Variants in MAN1C1 observed in about 807,000 individuals in gnomAD.
MAN1C1 encodes mannosidase alpha class 1C member 1.
In MAN1C1, 49 loss-of-function variants were observed where a neutral mutation model predicts 71.5. The ratio of observed to expected loss-of-function variants is 0.69; its 90% confidence interval spans 0.54 to 0.87. The LOEUF (loss-of-function observed/expected upper bound fraction) is 0.87, where lower values mean the gene tolerates loss of function less well. Among genes scored for constraint, MAN1C1 ranks in the 40% least tolerant of loss-of-function variants. The pLI is 0.00. For missense variants in MAN1C1, 743 were observed against 835.0 expected (o/e 0.89, Z 1.36); for synonymous variants, 352 against 343.7 (o/e 1.02, Z -0.27).
In MAN1C1 at chr1:25,783,867, A is replaced by G. The variant is rs1172923895; in HGVS notation, c.*78A>G. 3 of 1,533,388 alleles carry G rather than the reference A, an allele frequency of 2.0e-6. No individual in the cohort carries two copies. Among genetic ancestry groups the G allele is most frequent in the South Asian group, 1.2e-5 (1 of 86,140 alleles). 95.0% of individuals were successfully genotyped at this position (1,533,388 alleles called of 1,614,324 possible). A position where few individuals can be genotyped will look rare whatever the true frequency, so the allele number is the denominator to read the frequency against. The stretch of plus-strand genomic sequence containing the variant: ...AGGATTTGAGACTGTTCTCAAAGGG[A>G]TTGGGAACGAAGGCCCCATCTCGGG... On this transcript the variant is annotated 3_prime_UTR_variant, in exon 12 of 12. Transcript: ENST00000374332.
Position 25,660,653 on chromosome 1 carries a change from A to G in MAN1C1, c.541-25787A>G, listed in dbSNP as rs577203392. Reference sequence around the variant, plus strand: ...CGTGATCCGCCCGCCTCGGCCTCCCAAAAGTGCTGGGATTACAGGTGTGAG... The same window carrying G: ...CGTGATCCGCCCGCCTCGGCCTCCCGAAAGTGCTGGGATTACAGGTGTGAG... On this transcript the variant is annotated intron_variant, in intron 1 of 11. Coordinates refer to ENST00000374332, the MANE Select transcript of MAN1C1 (RefSeq NM_020379.4). Among the ~76,000 whole-genome samples the G allele has an allele frequency of 4.6e-5, 7 of 151,442 alleles. No individual in the cohort carries two copies. The South Asian group carries it at 1.5e-3, about 32-fold the overall frequency.
chr1:25,732,539 G>A (rs2046922899), intron 2 of MAN1C1, among the ~76,000 whole-genome samples: 1 of 152,224 alleles, frequency 6.6e-6, no homozygotes. Flanking sequence ...GCAACATGGT[G>A]TCGGCCTTCA....
intron 5 of MAN1C1, among the ~76,000 whole-genome samples, chr1:25,755,349 C>G (rs1253750432): frequency 2.0e-5 from 3 of 152,226 alleles, no homozygotes; most frequent in African/African-American, 7.2e-5. Flanking sequence ...TTCACTCATG[C>G]TCTCTCACAC....
chr1:25,618,088 C>T lies in MAN1C1; in HGVS notation c.291C>T (p.Ser97=), dbSNP rs747130458. ...AAPAPGEDDP[S]SWASPRRRKG... is the part of the protein sequence containing the mutation. ...CGGCCCCGGGCGAGGATGACCCCAG[C>T]AGCTGGGCCAGTCCCCGCCGCAGGA... Residue 97 remains serine (S), a synonymous_variant, in exon 1 of 12, where the codon AGC becomes AGT. Coordinates refer to ENST00000374332, the MANE Select transcript of MAN1C1 (RefSeq NM_020379.4). The T allele has an allele frequency of 4.6e-6, 7 of 1,518,928 alleles. No individual in the cohort carries two copies. The Admixed American group carries it at 1.5e-4, about 32-fold the overall frequency. 94.1% of individuals were successfully genotyped at this position (1,518,928 alleles called of 1,614,324 possible). A position where few individuals can be genotyped will look rare whatever the true frequency, so the allele number is the denominator to read the frequency against.
intron 2 of MAN1C1, among the ~76,000 whole-genome samples, chr1:25,697,918 C>A (rs944066197): frequency 2.0e-5 from 3 of 152,206 alleles, no homozygotes; most frequent in African/African-American, 7.2e-5. Flanking sequence ...ACTTTCGCCT[C>A]CTGCTGAATG....
At chr1:25,758,559 G>T (rs757885154) in intron 5 of MAN1C1, 33 bp from the exon 6 acceptor site, 2 of 1,456,834 alleles carry the variant, frequency 1.4e-6, no homozygotes, top group Non-Finnish European at 1.8e-6. Context: ...CTGGCCAAAG[G>T]GGGGATGACG....
At chr1:25,671,569 G>A (rs968676435) in intron 1 of MAN1C1, among the ~76,000 whole-genome samples, 1 of 152,214 alleles carries the variant, frequency 6.6e-6, no homozygotes, top group Non-Finnish European at 1.5e-5. Flanking sequence ...TCAGAATGCT[G>A]TTGCCTGTGC....
chr1:25,736,988 C>T (rs997896759), intron 2 of MAN1C1, among the ~76,000 whole-genome samples: 3 of 152,190 alleles, frequency 2.0e-5, no homozygotes, highest in Non-Finnish European at 4.4e-5. Context: ...TTCACGTGCT[C>T]TGGAAGGTGG....
Position 25,652,296 on chromosome 1 carries a change from TG to T in MAN1C1, c.540+33961del, listed in dbSNP as rs2045703494. Among the ~76,000 whole-genome samples the T allele has an allele frequency of 2.6e-5, 4 of 152,328 alleles. No individual in the cohort carries two copies. In the South Asian group the frequency reaches 8.3e-4, roughly 32 times the overall value. ...CTGTGCAGGACAGCTGCTGCCTTCT[TG>T]GTTGCTGTTGGGAAACAAATGGCTT... is the stretch of plus-strand genomic sequence containing the variant. On this transcript the variant is annotated intron_variant, in intron 1 of 11. Transcript: ENST00000374332.
rs373813766 is a variant in MAN1C1, at chr1:25,782,688, C to T, written c.1754C>T (p.Ala585Val). The T allele has an allele frequency of 4.3e-6, 7 of 1,613,370 alleles. No homozygotes were observed. The highest frequency in any genetic ancestry group is 1.7e-5 in the Admixed American group (1 of 59,996). ...HDNKQQSFFLAETLKYLYLLF... is the reference protein window; with the variant it reads ...HDNKQQSFFLVETLKYLYLLF... ...AACAAGCAGCAGAGCTTCTTTCTAG[C>T]GGAGACACTAAAGTGAGCAGTGTGG... Residue 585 changes from alanine to valine, a missense_variant, in exon 11 of 12, where the codon GCG becomes GTG. Coordinates refer to ENST00000374332, the MANE Select transcript of MAN1C1 (RefSeq NM_020379.4). The surrounding 1 kb of genome is among the most constrained non-coding windows in gnomAD (Gnocchi z 4.4).
Position 25,746,820 on chromosome 1 carries a change from G to GGCCGGGC in MAN1C1, c.753+40_753+41insGGGCGCC. ...GCCCTCGGCGGGGGAGGGGGGCGGG[G>GGCCGGGC]GCCAGAAGAGGCCCAACAGCCAGCT... On this transcript the variant is annotated intron_variant, in intron 3 of 11. Transcript: ENST00000374332. This position sits in a 1 kb window ranked among gnomAD's most constrained non-coding sequence, Gnocchi z 4.0. The GGCCGGGC allele has an allele frequency of 6.2e-6, 6 of 965,726 alleles. No homozygotes were observed. Among genetic ancestry groups the GGCCGGGC allele is most frequent in the Admixed American group, 2.1e-5 (1 of 47,986 alleles). The allele number at this position is 965,726 out of a possible 1,614,324, so 59.8% of individuals were successfully genotyped here. A position where few individuals can be genotyped will look rare whatever the true frequency, so the allele number is the denominator to read the frequency against.
At chr1:25,728,328 C>G (rs899453464) in intron 2 of MAN1C1, among the ~76,000 whole-genome samples, 1 of 152,180 alleles carries the variant, frequency 6.6e-6, no homozygotes, top group East Asian at 1.9e-4. Flanking sequence ...CCATGACAGA[C>G]GGATCTCTGT....
chr1:25,748,092 TGTAGACA>T (rs2047162180), intron 3 of MAN1C1, among the ~76,000 whole-genome samples: 1 of 151,520 alleles, frequency 6.6e-6, no homozygotes, highest in Admixed American at 6.5e-5. Context: ...TCGTTCCCTG[TGTAGACA>T]GTGGCTCTTT....
rs1166267144 is a variant in MAN1C1 at position 25,769,379 on chromosome 1, CCATA to C, written c.1142-2267_1142-2264del. Among the ~76,000 whole-genome samples, 2 of 142,038 alleles carry C rather than the reference CCATA, an allele frequency of 1.4e-5. No individual in the cohort carries two copies. Among genetic ancestry groups the C allele is most frequent in the Non-Finnish European group, 3.0e-5 (2 of 66,896 alleles). The allele number at this position is 142,038 out of a possible 152,430, so 93.2% of individuals were successfully genotyped here. On this transcript the variant is annotated intron_variant, in intron 7 of 11. Transcript: ENST00000374332. The surrounding 1 kb of genome is among the most constrained non-coding windows in gnomAD (Gnocchi z 4.8). ...CACACATACACACTCACCCCACACCCCATACATACATACACACACACACACACAC... is the reference window on the plus strand; with the variant it reads ...CACACATACACACTCACCCCACACCCCATACATACACACACACACACACAC...
intron 1 of MAN1C1, among the ~76,000 whole-genome samples, chr1:25,676,676 G>A (rs149259894): frequency 2.0e-5 from 3 of 152,298 alleles, no homozygotes; most frequent in African/African-American, 7.2e-5. Flanking sequence ...GCTGGGAGAC[G>A]CCAGTAAGGC....
At chr1:25,620,220 G>T (rs1262958145) in intron 1 of MAN1C1, among the ~76,000 whole-genome samples, 1 of 152,154 alleles carries the variant, frequency 6.6e-6, no homozygotes, top group African/African-American at 2.4e-5. Flanking sequence ...ATAACATGAT[G>T]GGAGAAGGTC....
At chr1:25,624,998 A>ATTTTTTTTTTTTTTTTTTT (rs1032269792) in intron 1 of MAN1C1, among the ~76,000 whole-genome samples, 1 of 101,590 alleles carries the variant, frequency 9.8e-6, no homozygotes, top group Non-Finnish European at 1.8e-5. Flanking sequence ...AAATGCACAG[A>ATTTTTTTTTTTTTTTTTTT]TTTTTTTTTT....
chr1:25,713,247 G>T (rs1200768479), intron 2 of MAN1C1, among the ~76,000 whole-genome samples: 1 of 152,090 alleles, frequency 6.6e-6, no homozygotes, highest in Admixed American at 6.5e-5. Context: ...AGGTGGGGGT[G>T]GGGAACAAGG....
chr1:25,783,460 G>C (rs1257528730), intron 11 of MAN1C1, among the ~76,000 whole-genome samples: 1 of 152,176 alleles, frequency 6.6e-6, no homozygotes, highest in Non-Finnish European at 1.5e-5. Flanking sequence ...TGACCCCAAA[G>C]CTCAAGGCTT....
Sources: allele counts gnomAD v4.1 joint callset (sites outside exome capture counted in the v4.1 genomes callset), GRCh38; gene constraint gnomAD v4.1.1; non-coding constraint Gnocchi (gnomAD v3.1); transcripts MANE v1.5; gene names NCBI Gene and HGNC (gene_info 2026-07-23, HGNC 2026-07-21).